The following MYO9A variants were observed in gnomAD, a reference collection of about 807,000 sequenced individuals.
MYO9A encodes the protein unconventional myosin-IXa.
MYO9A carries 103 observed loss-of-function variants against 293.3 expected under a neutral mutation model. The observed-to-expected ratio is 0.35, with a 90% CI of 0.30 to 0.41. MYO9A has a LOEUF of 0.41. Ranked by LOEUF, MYO9A falls within the 10% of genes least tolerant of loss-of-function variation. MYO9A has a pLI of 1.00. For synonymous variants in MYO9A, 1,001 were observed against 1,035.7 expected (o/e 0.97, Z 0.64); for missense variants, 2,685 against 3,033.0 (o/e 0.89, Z 2.69).
chr15:71,825,983 C>G lies in MYO9A; in HGVS notation c.*597G>C, dbSNP rs1003558636. On this transcript the variant is annotated 3_prime_UTR_variant, in exon 42 of 42. Coordinates refer to ENST00000356056, the MANE Select transcript of MYO9A (RefSeq NM_006901.4). ...TCTGATGGCTTAATGGAAACAATCA[C>G]GGTTTTTTTTTGTTTTTTTTTTTTT... 2.2e-4 allele frequency: 32 copies of G among 144,732 alleles called. 2 individuals are homozygous for G. 9.0% of individuals were successfully genotyped at this position (144,732 alleles called of 1,614,324 possible).
intron 32 of MYO9A, among the ~76,000 whole-genome samples, chr15:71,871,698 A>G (rs1286138458): frequency 6.6e-6 from 1 of 151,542 alleles, no homozygotes; most frequent in Non-Finnish European, 1.5e-5. Flanking sequence ...AGAAAAAAAA[A>G]AAAGAAAGAA....
chr15:71,910,168 G>GTATATATA (rs377474158), intron 19 of MYO9A, among the ~76,000 whole-genome samples: 10,509 of 128,110 alleles, frequency 0.082, 668 homozygotes, highest in African/African-American at 0.17. Context: ...ATATATACGT[G>GTATATATA]TATATATATA....
rs1171992951 is a variant in MYO9A, at chr15:71,994,410, A to C, written c.1587+59T>G. ...TCTGTGTTTTTAAATTTCATGTATT[A>C]ACCAGTTTATTAAAATAGCTTTCAG... On this transcript the variant is annotated intron_variant, in intron 10 of 41. Transcript: ENST00000356056. The C allele has an allele frequency of 3.8e-6, 4 of 1,054,612 alleles. No homozygotes were observed. In the African/African-American group the frequency reaches 6.5e-5, roughly 17 times the overall value. The allele number at this position is 1,054,612 out of a possible 1,614,324, so 65.3% of individuals were successfully genotyped here. A position where few individuals can be genotyped will look rare whatever the true frequency, so the allele number is the denominator to read the frequency against.
chr15:72,057,680 G>A (rs1344617293), intron 1 of MYO9A, among the ~76,000 whole-genome samples: 2 of 152,314 alleles, frequency 1.3e-5, no homozygotes, highest in Middle Eastern at 3.4e-3. Flanking sequence ...CACCAGGGCC[G>A]CTAAGCTAGA....
At chr15:71,832,360 C>G (rs755807723) in intron 39 of MYO9A, among the ~76,000 whole-genome samples, 6 of 151,946 alleles carry the variant, frequency 3.9e-5, no homozygotes, top group Non-Finnish European at 8.8e-5. Flanking sequence ...TTTAAGAAAG[C>G]CTACAACCCC....
intron 33 of MYO9A, among the ~76,000 whole-genome samples, chr15:71,861,277 T>C (rs1339786751): frequency 6.6e-6 from 1 of 151,230 alleles, no homozygotes; most frequent in Non-Finnish European, 1.5e-5. Flanking sequence ...TAGTATTTGC[T>C]TCATTCAATT....
rs1567169896 is a variant in MYO9A at position 71,825,995 on chromosome 15, G to GTTTTGTTTTTTTTTTTTTTTTTT, written c.*584_*585insAAAAAAAAAAAAAAAAAACAAAA. On this transcript the variant is annotated 3_prime_UTR_variant, in exon 42 of 42. Transcript: ENST00000356056. ...ATGGAAACAATCACGGTTTTTTTTT[G>GTTTTGTTTTTTTTTTTTTTTTTT]TTTTTTTTTTTTTGTTTTTTTTTTT... 2 of 91,524 alleles carry GTTTTGTTTTTTTTTTTTTTTTTT rather than the reference G, an allele frequency of 2.2e-5. No individual in the cohort carries two copies. The highest frequency in any genetic ancestry group is 4.4e-5 in the African/African-American group (1 of 22,704). 5.7% of individuals were successfully genotyped at this position (91,524 alleles called of 1,614,324 possible). A position where few individuals can be genotyped will look rare whatever the true frequency, so the allele number is the denominator to read the frequency against.
intron 1 of MYO9A, among the ~76,000 whole-genome samples, chr15:72,052,699 T>C (rs997342142): frequency 1.3e-5 from 2 of 152,194 alleles, no homozygotes; most frequent in African/African-American, 2.4e-5. Context: ...TGGAAGCTGC[T>C]TGAGGTATGC....
chr15:71,926,289 C>G lies in MYO9A; in HGVS notation c.2562+7381G>C, dbSNP rs1439344905. ...GCATGAGTGACAGTTCCAAGCCATG[C>G]ACCGTGGTATATGCCTATAATCCCA... On this transcript the variant is annotated intron_variant, in intron 18 of 41. Coordinates refer to ENST00000356056, the MANE Select transcript of MYO9A (RefSeq NM_006901.4). Among the ~76,000 whole-genome samples the G allele has an allele frequency of 1.3e-5, 2 of 152,208 alleles. 1 individual carries two copies. The highest frequency in any genetic ancestry group is 3.8e-4 in the East Asian group (2 of 5,206).
chr15:72,091,575 T>C (rs1027885156), intron 1 of MYO9A, among the ~76,000 whole-genome samples: 1 of 151,988 alleles, frequency 6.6e-6, no homozygotes, highest in Non-Finnish European at 1.5e-5. Context: ...CCTGAACTAC[T>C]CTCTCTCTCT....
intron 39 of MYO9A, among the ~76,000 whole-genome samples, chr15:71,847,877 C>T (rs1018982365): frequency 6.6e-6 from 1 of 152,012 alleles, no homozygotes; most frequent in Non-Finnish European, 1.5e-5. Context: ...ATCAACAGAC[C>T]TTTGTTAAGC....
rs753794018 is a variant in MYO9A at position 71,898,377 on chromosome 15, C to G, written c.4126G>C (p.Ala1376Pro). 9.3e-6 allele frequency: 15 copies of G among 1,613,550 alleles called. No individual in the cohort carries two copies. In the South Asian group the frequency reaches 1.6e-4, roughly 18 times the overall value. ...KFDSRDNALSASNETSSAEHL... is the reference protein window; with the variant it reads ...KFDSRDNALSPSNETSSAEHL... ...TCTGCACTGCTAGTCTCATTTGAGG[C>G]ACTGAGGGCATTGTCCCGTGAATCA... The change falls in exon 25 of 42, where the codon GCC (alanine) becomes CCC (proline). Residue 1376 changes from alanine to proline, a missense_variant. Around this residue, in one of 10 missense-constraint regions of MYO9A, gnomAD observed 1,434 missense variants for 1,497.7 expected, o/e 0.96. Coordinates refer to ENST00000356056, the MANE Select transcript of MYO9A (RefSeq NM_006901.4).
chr15:71,860,422 C>G (rs956008778), intron 33 of MYO9A, among the ~76,000 whole-genome samples: 3 of 152,006 alleles, frequency 2.0e-5, no homozygotes, highest in African/African-American at 7.2e-5. Context: ...TGGTGATAAC[C>G]CAGAGTAGCT....
intron 1 of MYO9A, among the ~76,000 whole-genome samples, chr15:72,047,774 C>CTTTTT (rs11397735): frequency 0.072 from 5,368 of 74,310 alleles, 754 homozygotes; most frequent in African/African-American, 0.14. Context: ...CAGTTACTTC[C>CTTTTT]TTTTTTTTTT....
intron 1 of MYO9A, among the ~76,000 whole-genome samples, chr15:72,057,857 T>G (rs1184295078): frequency 6.6e-6 from 1 of 152,210 alleles, no homozygotes; most frequent in Admixed American, 6.5e-5. Flanking sequence ...AATTCCTTGT[T>G]AAGTGTGCCA....
In MYO9A at chr15:72,046,185, C is replaced by T; in HGVS notation, c.379G>A (p.Val127Ile). 2 of 1,614,120 alleles carry T rather than the reference C, an allele frequency of 1.2e-6. No homozygotes were observed. The highest frequency in any genetic ancestry group is 1.7e-6 in the Non-Finnish European group (2 of 1,180,012). Residue 127 changes from valine (V) to isoleucine (I), a missense_variant, in exon 2 of 42, where the codon GTA becomes ATA. Val to Ile is a conservative substitution (Grantham distance 29, BLOSUM62 3). Coordinates refer to ENST00000356056, the MANE Select transcript of MYO9A (RefSeq NM_006901.4). Reference sequence around the variant, plus strand: ...ATCATCCTGCGACGTTCTTCTGTTACCCGTAGCCATGACTGCAGGCTACCA... The same window carrying T: ...ATCATCCTGCGACGTTCTTCTGTTATCCGTAGCCATGACTGCAGGCTACCA... ...HYGSLQSWLR[V>I]TEERRRMMER...
chr15:71,970,660 A>G (rs1054034317), intron 12 of MYO9A, among the ~76,000 whole-genome samples: 1 of 152,226 alleles, frequency 6.6e-6, no homozygotes, highest in African/African-American at 2.4e-5. Flanking sequence ...TAAAAAGGTT[A>G]TTCAGTCCAG....
chr15:71,834,994 TGTA>T (rs1219101897), intron 39 of MYO9A, among the ~76,000 whole-genome samples: 3 of 152,150 alleles, frequency 2.0e-5, no homozygotes, highest in Non-Finnish European at 4.4e-5. Context: ...AGTAGTCTAA[TGTA>T]GTCCATTAGA....
intron 39 of MYO9A, among the ~76,000 whole-genome samples, chr15:71,831,552 T>G (rs1030331850): frequency 6.6e-6 from 1 of 152,146 alleles, no homozygotes; most frequent in Non-Finnish European, 1.5e-5. Flanking sequence ...ACTGAAATTA[T>G]AAAAGTCCTT....
Sources: gnomAD v4.1 joint callset for allele counts (sites outside exome capture counted in the v4.1 genomes callset) on GRCh38, gnomAD v4.1.1 for gene constraint, gnomAD v4.1.1 regional missense constraint, MANE v1.5 for transcripts, NCBI Gene and HGNC (gene_info 2026-07-23, HGNC 2026-07-21) for gene names.